Variants in BICC1 observed in about 807,000 individuals in gnomAD.
The protein encoded by BICC1 is BicC family RNA binding protein 1.
A neutral mutation model predicts 111.0 loss-of-function variants in BICC1; 43 were observed. The ratio of observed to expected loss-of-function variants is 0.39; its 90% CI spans 0.30 to 0.50. The LOEUF is 0.50. Ranked by LOEUF, BICC1 falls within the 20% of genes least tolerant of loss-of-function variation. BICC1 has a pLI of 0.88. For missense variants in BICC1, 1,091 were observed against 1,203.2 expected (o/e 0.91, Z 1.38); for synonymous variants, 467 against 434.4 (o/e 1.07, Z -0.93).
chr10:58,620,933 A>G (rs1420274521), intron 2 of BICC1, 32 bp downstream of exon 2: 8 of 1,598,452 alleles, frequency 5.0e-6, no homozygotes, highest in Non-Finnish European at 6.9e-6. Context: ...TCATGGTGAT[A>G]AGTAAGAGGA....
rs781060512 is a variant in BICC1 at position 58,800,300 on chromosome 10, C to T, written c.1832C>T (p.Thr611Ile). ...PSIQTSGSEQ[T>I]SPKSSPTEGC... ...ATCCAGACAAGTGGGTCTGAGCAGA[C>T]ATCTCCCAAATCAAGCCCCACTGAA... is the stretch of plus-strand genomic sequence containing the variant. The change falls in exon 13 of 21, where the codon ACA becomes ATA. Residue 611 changes from threonine (T) to isoleucine (I), a missense_variant. This residue lies in a region of BICC1 where 843 missense variants were observed against 900.8 expected (regional missense o/e 0.94). Transcript: ENST00000373886. 5.6e-6 allele frequency: 9 copies of T among 1,613,620 alleles called. No homozygotes were observed. The South Asian group carries it at 8.8e-5, about 16-fold the overall frequency.
chr10:58,631,383 G>GT (rs1837789068), intron 2 of BICC1, among the ~76,000 whole-genome samples: 1 of 151,554 alleles, frequency 6.6e-6, no homozygotes, highest in African/African-American at 2.4e-5. Context: ...TCTTTGGCAG[G>GT]TTTTTTTCTT....
intron 17 of BICC1, among the ~76,000 whole-genome samples, chr10:58,808,890 AT>A (rs1843803616): frequency 6.6e-6 from 1 of 151,702 alleles, no homozygotes; most frequent in Admixed American, 6.6e-5. Context: ...TAATTTTTGT[AT>A]TTGAGTAGAG....
intron 1 of BICC1, among the ~76,000 whole-genome samples, chr10:58,542,169 A>AC (rs1554803891): frequency 8.2e-6 from 1 of 121,434 alleles, no homozygotes; most frequent in African/African-American, 3.5e-5. Context: ...AAAAAAAACA[A>AC]AAAAAAAAAC....
Position 58,687,234 on chromosome 10 carries a change from G to T in BICC1, c.238-14840G>T, listed in dbSNP as rs185418744. 1.9e-3 allele frequency among the ~76,000 whole-genome samples: 293 copies of T among 152,362 alleles called. 1 individual carries two copies. The highest frequency in any genetic ancestry group is 6.0e-3 in the African/African-American group (248 of 41,594). On this transcript the variant is annotated intron_variant, in intron 2 of 20. Transcript: ENST00000373886. ...TTGCTGCCTGATCCTTCTTCTGGAA[G>T]TTTTGTCTCAGAGGGGCACCCGGCT...
At chr10:58,742,033 T>C (rs1841684401) in intron 3 of BICC1, among the ~76,000 whole-genome samples, 3 of 152,204 alleles carry the variant, frequency 2.0e-5, no homozygotes, top group African/African-American at 7.2e-5. Context: ...AAGGTATACT[T>C]TTGGACTTGA....
At chr10:58,675,945 C>G (rs1043100614) in intron 2 of BICC1, among the ~76,000 whole-genome samples, 2 of 152,206 alleles carry the variant, frequency 1.3e-5, no homozygotes, top group Non-Finnish European at 2.9e-5. Flanking sequence ...CGGTTCATCT[C>G]AGTGGGACTG....
Position 58,817,662 on chromosome 10 carries a change from C to T in BICC1, c.2634C>T (p.Leu878=). The T allele has an allele frequency of 6.2e-7, 1 of 1,613,472 alleles. No individual in the cohort carries two copies. Among genetic ancestry groups the T allele is most frequent in the African/African-American group, 1.3e-5 (1 of 74,996 alleles). The part of the protein sequence containing the change: ...NLNSSFKGSD[L]PELFSKLGLG... ...ATAGCTCTTTCAAAGGTTCTGACCT[C>T]CCTGAGCTCTTCAGCAAACTGGGCC... The change falls in exon 19 of 21, where the codon CTC becomes CTT. Residue 878 remains leucine, a synonymous_variant. Transcript: ENST00000373886.
At chr10:58,540,639 C>A (rs1010141579) in intron 1 of BICC1, among the ~76,000 whole-genome samples, 1 of 151,928 alleles carries the variant, frequency 6.6e-6, no homozygotes, top group Non-Finnish European at 1.5e-5. Context: ...TGACAAAAGC[C>A]CAGGACCAGA....
chr10:58,648,584 C>CCT lies in BICC1; in HGVS notation c.237+27696_237+27697dup, dbSNP rs775998727. 9.2e-6 allele frequency: 9 copies of CCT among 973,864 alleles called. No individual in the cohort carries two copies. In the East Asian group the frequency reaches 3.4e-4, roughly 37 times the overall value. 60.3% of individuals were successfully genotyped at this position (973,864 alleles called of 1,614,324 possible). ...GGAGGGAACAATGGTATGTTTAGTG[C>CCT]CTCTCTCTCTCTCTTTCTCTCTCTC... is the stretch of plus-strand genomic sequence containing the variant. On this transcript the variant is annotated intron_variant, in intron 2 of 20. Transcript: ENST00000373886.
intron 2 of BICC1, among the ~76,000 whole-genome samples, chr10:58,634,440 T>G (rs1837893894): frequency 6.6e-6 from 1 of 152,182 alleles, no homozygotes; most frequent in African/African-American, 2.4e-5. Context: ...TGAGGAACTT[T>G]TAAAAATTAT....
At chr10:58,542,284 A>G (rs1843012095) in intron 1 of BICC1, among the ~76,000 whole-genome samples, 5 of 152,140 alleles carry the variant, frequency 3.3e-5, no homozygotes, top group Admixed American at 3.3e-4. Flanking sequence ...TAGTAGGGAA[A>G]GGACAATCTC....
chr10:58,522,448 A>C (rs1262449201), intron 1 of BICC1, among the ~76,000 whole-genome samples: 2 of 152,162 alleles, frequency 1.3e-5, no homozygotes, highest in Admixed American at 1.3e-4. Flanking sequence ...CCTGCTCCTG[A>C]ATGACTACTG....
chr10:58,780,001 C>T (rs1033291004), intron 3 of BICC1, among the ~76,000 whole-genome samples: 1 of 152,076 alleles, frequency 6.6e-6, no homozygotes, highest in Non-Finnish European at 1.5e-5. Context: ...GACATATTCC[C>T]AATGGTTGCA....
chr10:58,524,149 C>T (rs1397469772), intron 1 of BICC1, among the ~76,000 whole-genome samples: 2 of 152,044 alleles, frequency 1.3e-5, no homozygotes, highest in East Asian at 1.9e-4. Context: ...AGATTCAATG[C>T]CATCCCCATC....
At chr10:58,683,744 A>G (rs1320871963) in intron 2 of BICC1, among the ~76,000 whole-genome samples, 1 of 152,222 alleles carries the variant, frequency 6.6e-6, no homozygotes, top group African/African-American at 2.4e-5. Context: ...AGATTTGCTG[A>G]AGTTGCTTAT....
At chr10:58,623,558 G>T (rs1564518328) in intron 2 of BICC1, among the ~76,000 whole-genome samples, 1 of 152,198 alleles carries the variant, frequency 6.6e-6, no homozygotes, top group Non-Finnish European at 1.5e-5. Flanking sequence ...GTGTCTTAAA[G>T]AGCAGAGTCA....
intron 1 of BICC1, among the ~76,000 whole-genome samples, chr10:58,583,767 C>A (rs12263522): frequency 0.47 from 70,985 of 151,944 alleles, 17,506 homozygotes; most frequent in Admixed American, 0.63. Flanking sequence ...ATAATGACTT[C>A]TTTTCCTCTG....
chr10:58,516,564 C>T (rs1202098380), intron 1 of BICC1, among the ~76,000 whole-genome samples: 1 of 151,902 alleles, frequency 6.6e-6, no homozygotes, highest in African/African-American at 2.4e-5. Context: ...GATGTTTTTG[C>T]TGTAAGTGAA....
Sources: allele counts gnomAD v4.1 joint callset (sites outside exome capture counted in the v4.1 genomes callset), GRCh38; gene constraint gnomAD v4.1.1; regional missense constraint gnomAD v4.1.1; transcripts MANE v1.5; gene names NCBI Gene and HGNC (gene_info 2026-07-23, HGNC 2026-07-21).